Variants in PDXDC1 observed in about 807,000 individuals in gnomAD.
The protein encoded by PDXDC1 is pyridoxal-dependent decarboxylase domain-containing protein 1.
Under a neutral mutation model 100.1 loss-of-function variants are expected in PDXDC1, and 42 were observed. That is an observed-to-expected ratio of 0.42 (90% CI 0.33 to 0.54). The LOEUF (loss-of-function observed/expected upper bound fraction) is 0.54. Ranked by LOEUF, PDXDC1 falls within the 20% of genes least tolerant of loss-of-function variation. PDXDC1 has a pLI of 0.10. For missense variants in PDXDC1, 636 were observed against 979.2 expected (o/e 0.65, Z 4.68); for synonymous variants, 260 against 371.7 (o/e 0.70, Z 3.46).
At chr16:15,100,352 T>C (rs1335072695) in intron 16 of PDXDC1, among the ~76,000 whole-genome samples, 1 of 152,248 alleles carries the variant, frequency 6.6e-6, no homozygotes, top group Non-Finnish European at 1.5e-5. Flanking sequence ...TATATATCTT[T>C]AGTTATATAC....
chr16:15,146,660 C>T, the PDXDC1 span, among the ~76,000 whole-genome samples: 1 of 152,162 alleles, frequency 6.6e-6, no homozygotes, highest in Admixed American at 6.5e-5. Flanking sequence ...CACTGGCTCC[C>T]GTCGTCCAGT....
At chr16:15,038,345 TAGTA>T (rs778009427), downstream of PDXDC1, 61 of 649,874 alleles carry the variant, frequency 9.4e-5, 1 homozygote, top group Admixed American at 2.6e-4. Flanking sequence ...TGGCCTGAAT[TAGTA>T]AGAAAAAAGT....
chr16:14,989,966 G>C lies in PDXDC1; in HGVS notation c.22-7787G>C, dbSNP rs1253711114. Reference sequence around the variant, plus strand: ...GCCAGGCGCGGGTGGCCGCCTCCAGGCAGGCAGACGGCTCGGTGGCGCCCG... The same window carrying C: ...GCCAGGCGCGGGTGGCCGCCTCCAGCCAGGCAGACGGCTCGGTGGCGCCCG... On this transcript the variant is annotated intron_variant, in intron 1 of 22. Transcript: ENST00000396410. 83 of 1,460,676 alleles carry C rather than the reference G, an allele frequency of 5.7e-5. No homozygotes were observed. The Admixed American group carries it at 2.2e-3, about 38-fold the overall frequency. 90.5% of individuals were successfully genotyped at this position (1,460,676 alleles called of 1,614,324 possible).
intron 1 of PDXDC1, among the ~76,000 whole-genome samples, chr16:14,993,293 TCC>T (rs1207293657): frequency 1.9e-5 from 2 of 102,714 alleles, no homozygotes; most frequent in African/African-American, 7.7e-5. Flanking sequence ...CCCTCCTCCC[TCC>T]CCCCACCCCA....
chr16:15,131,337 G>T (rs1457999813), intron 16 of PDXDC1: 17 of 1,559,614 alleles, frequency 1.1e-5, no homozygotes, highest in Non-Finnish European at 1.5e-5. Context: ...CCTTGGTGGA[G>T]ACGGTGTAGT....
rs1001042123 is a variant in PDXDC1 at position 15,125,351 on chromosome 16, T to C, written c.1400-13528T>C. ...CTGCAGGTGGCGCGGGTCAGCAAGG[T>C]ACCAGGGGATGTGTCACACACACAG... On this transcript the variant is annotated intron_variant, in intron 16 of 16. Coordinates refer to the PDXDC1 transcript ENST00000535621. 9 of 728,596 alleles carry C rather than the reference T, an allele frequency of 1.2e-5. No homozygotes were observed. In the African/African-American group the frequency reaches 1.3e-4, roughly 10 times the overall value. 45.1% of individuals were successfully genotyped at this position (728,596 alleles called of 1,614,324 possible). A position where few individuals can be genotyped will look rare whatever the true frequency, so the allele number is the denominator to read the frequency against.
At chr16:15,001,641 C>T (rs1228822004) in intron 3 of PDXDC1, 135 bp from the exon 4 acceptor site, 59 of 617,328 alleles carry the variant, frequency 9.6e-5, no homozygotes, top group Middle Eastern at 8.8e-4. Context: ...CTATATACCA[C>T]GTTCTTTCTC....
intron 16 of PDXDC1, chr16:15,130,397 C>T (rs759196224): frequency 1.1e-5 from 18 of 1,579,476 alleles, no homozygotes; most frequent in African/African-American, 1.4e-5. Context: ...CCTCCAGCGC[C>T]GACAGGCGGA....
At chr16:15,012,972 C>A (rs1167413145) in intron 8 of PDXDC1, among the ~76,000 whole-genome samples, 1 of 152,212 alleles carries the variant, frequency 6.6e-6, no homozygotes, top group Admixed American at 6.5e-5. Context: ...GAGATCAAGA[C>A]ATCCTGGCTA....
At chr16:15,126,264 T>C (rs1368941966) in intron 16 of PDXDC1, among the ~76,000 whole-genome samples, 8 of 143,730 alleles carry the variant, frequency 5.6e-5, no homozygotes, top group Non-Finnish European at 9.2e-5. Flanking sequence ...TTGGAACTCC[T>C]GACCTCAAGT....
intron 16 of PDXDC1, among the ~76,000 whole-genome samples, chr16:15,082,662 G>A (rs2045755711): frequency 6.6e-6 from 1 of 151,338 alleles, no homozygotes; most frequent in African/African-American, 2.4e-5. Context: ...GACAGACGGA[G>A]ACTGTCCCCC....
At chr16:15,083,598 T>G in intron 16 of PDXDC1, 1 of 1,591,502 alleles carries the variant, frequency 6.3e-7, no homozygotes, top group East Asian at 2.2e-5. Flanking sequence ...TTTAAAAAAT[T>G]AAATCAATCC....
At chr16:14,981,080 A>C in intron 1 of PDXDC1, among the ~76,000 whole-genome samples, 1 of 152,408 alleles carries the variant, frequency 6.6e-6, no homozygotes, top group South Asian at 2.1e-4. Context: ...GGAATTAAGA[A>C]ACAAATTGTG....
At chr16:15,087,404 G>A (rs1351378736) in intron 16 of PDXDC1, among the ~76,000 whole-genome samples, 10 of 152,128 alleles carry the variant, frequency 6.6e-5, no homozygotes, top group Admixed American at 1.3e-4. Context: ...CCAACCAAGA[G>A]GCCAGTAAAG....
At chr16:15,125,093 G>A (rs1327584663) in intron 16 of PDXDC1, 3 of 398,264 alleles carry the variant, frequency 7.5e-6, no homozygotes, top group South Asian at 7.0e-5. Flanking sequence ...GTTGCAGTGA[G>A]CCGAGATCGT....
At position 15,085,675 on chromosome 16, in the gene PDXDC1, C is replaced by T. The variant is rs773979584; in HGVS notation, c.1400-53204C>T. On this transcript the variant is annotated intron_variant, in intron 16 of 16. Coordinates refer to the PDXDC1 transcript ENST00000535621. ...TCATCAGAATCTGAAACATCTACAT[C>T]GCCTTCCTTAATGATCACTCGGGCT... 36 of 1,613,430 alleles carry T rather than the reference C, an allele frequency of 2.2e-5. No homozygotes were observed. The Admixed American group carries it at 3.5e-4, about 16-fold the overall frequency.
At chr16:15,046,667 C>T (rs2044077886) in intron 16 of PDXDC1, among the ~76,000 whole-genome samples, 1 of 143,138 alleles carries the variant, frequency 7.0e-6, no homozygotes, top group African/African-American at 2.7e-5. Context: ...TAAGACCGGC[C>T]TGGGCAACTT....
chr16:15,010,951 G>A (rs1245515294), intron 8 of PDXDC1, among the ~76,000 whole-genome samples: 1 of 152,292 alleles, frequency 6.6e-6, no homozygotes, highest in East Asian at 1.9e-4. Context: ...ACCCAAGAAC[G>A]ATATGCCATA....
At chr16:15,081,773 G>A (rs1036144433) in intron 16 of PDXDC1, among the ~76,000 whole-genome samples, 27 of 152,110 alleles carry the variant, frequency 1.8e-4, no homozygotes, top group Admixed American at 7.9e-4. Flanking sequence ...AAATGTACTC[G>A]TTTTCTTCTC....
Sources: gnomAD v4.1 joint callset for allele counts (sites outside exome capture counted in the v4.1 genomes callset) on GRCh38, gnomAD v4.1.1 for gene constraint, MANE v1.5 for transcripts, NCBI Gene and HGNC (gene_info 2026-07-23, HGNC 2026-07-21) for gene names.